DGKB: variants seen among roughly 807,000 people sequenced by gnomAD.
DGKB encodes 90 kDa diacylglycerol kinase.
A neutral mutation model predicts 114.3 loss-of-function variants in DGKB; 67 were observed. The ratio of observed to expected loss-of-function variants is 0.59; its 90% CI spans 0.48 to 0.72. DGKB has a LOEUF of 0.72. Among genes scored for constraint, DGKB ranks in the 30% least tolerant of loss-of-function variants. DGKB has a pLI of 0.00. For missense variants in DGKB, 907 were observed against 975.2 expected, an observed-to-expected ratio of 0.93 and a Z score of 0.93; for synonymous variants, 398 against 323.1, an observed-to-expected ratio of 1.23 and a Z score of -2.49.
intron 25 of DGKB, among the ~76,000 whole-genome samples, chr7:14,167,205 C>T (rs11768601): frequency 0.84 from 114,985 of 136,458 alleles, 47,630 homozygotes; most frequent in East Asian, 0.93. Flanking sequence ...AATGAGACTC[C>T]ATCTCAAAAA....
chr7:14,241,611 TG>T (rs1238730441), intron 23 of DGKB, among the ~76,000 whole-genome samples: 4 of 152,056 alleles, frequency 2.6e-5, no homozygotes, highest in Admixed American at 2.6e-4. Flanking sequence ...AAATTTTTTT[TG>T]TAACTGGTTT....
chr7:14,625,283 G>A (rs1194991449), intron 14 of DGKB, among the ~76,000 whole-genome samples: 1 of 152,014 alleles, frequency 6.6e-6, no homozygotes, highest in African/African-American at 2.4e-5. Context: ...AATTAATCCA[G>A]TCTAAAATCT....
At chr7:14,760,290 T>C (rs1835499496) in intron 2 of DGKB, among the ~76,000 whole-genome samples, 1 of 152,144 alleles carries the variant, frequency 6.6e-6, no homozygotes, top group African/African-American at 2.4e-5. Flanking sequence ...GGGCAGAAAA[T>C]GTGTGTTTTC....
At chr7:14,183,994 C>T (rs561356617) in intron 23 of DGKB, among the ~76,000 whole-genome samples, 32 of 152,316 alleles carry the variant, frequency 2.1e-4, no homozygotes, top group Non-Finnish European at 2.9e-5. Context: ...AAAAGGGAGA[C>T]CCTCCTCTCC....
chr7:14,784,264 A>T (rs1257157947), intron 2 of DGKB, among the ~76,000 whole-genome samples: 1 of 152,014 alleles, frequency 6.6e-6, no homozygotes, highest in Non-Finnish European at 1.5e-5. Context: ...GTTATACTAG[A>T]GAGAACAACA....
At chr7:14,790,695 T>C (rs975383265) in intron 2 of DGKB, among the ~76,000 whole-genome samples, 1 of 152,174 alleles carries the variant, frequency 6.6e-6, no homozygotes, top group African/African-American at 2.4e-5. Flanking sequence ...ACAGGCTTCA[T>C]TAATGTAGCT....
At chr7:14,405,460 G>C (rs544800157) in intron 21 of DGKB, among the ~76,000 whole-genome samples, 5 of 152,078 alleles carry the variant, frequency 3.3e-5, no homozygotes, top group African/African-American at 9.6e-5. Context: ...TATGAAATCA[G>C]CTTGTAGTAA....
At chr7:14,495,164 C>A (rs1296792275) in intron 20 of DGKB, among the ~76,000 whole-genome samples, 4 of 151,774 alleles carry the variant, frequency 2.6e-5, no homozygotes, top group African/African-American at 9.7e-5. Context: ...CAAATCCTTC[C>A]TGATACACAC....
intron 1 of DGKB, among the ~76,000 whole-genome samples, chr7:14,926,729 C>G (rs986699910): frequency 6.6e-6 from 1 of 151,652 alleles, no homozygotes; most frequent in Non-Finnish European, 1.5e-5. Flanking sequence ...CTGATATACC[C>G]AACATGTAAT....
intron 23 of DGKB, among the ~76,000 whole-genome samples, chr7:14,239,374 A>T (rs1793308581): frequency 1.3e-5 from 2 of 152,022 alleles, no homozygotes; most frequent in African/African-American, 4.8e-5. Flanking sequence ...AATTTGAGAA[A>T]ATGAAATTTA....
intron 21 of DGKB, among the ~76,000 whole-genome samples, chr7:14,435,512 A>C (rs1829105078): frequency 6.6e-6 from 1 of 152,118 alleles, no homozygotes; most frequent in Non-Finnish European, 1.5e-5. Context: ...GAGTATAGTA[A>C]ATGATCATAA....
intron 1 of DGKB, among the ~76,000 whole-genome samples, chr7:14,915,184 C>T (rs998609214): frequency 6.6e-6 from 1 of 152,018 alleles, no homozygotes; most frequent in Non-Finnish European, 1.5e-5. Context: ...CTGGGAAATA[C>T]AGCAAGACCC....
chr7:14,635,844 C>G (rs1810651222), intron 13 of DGKB, among the ~76,000 whole-genome samples: 1 of 151,328 alleles, frequency 6.6e-6, no homozygotes, highest in South Asian at 2.1e-4. Context: ...CCTGTTATGC[C>G]TATTTTATCT....
chr7:14,583,264 T>C (rs979592950), intron 17 of DGKB, 127 bp from the exon 18 acceptor site: 3 of 552,480 alleles, frequency 5.4e-6, no homozygotes, highest in Non-Finnish European at 9.5e-6. Flanking sequence ...AATATCTCAG[T>C]GATAACTTAC....
At chr7:14,961,037 C>T (rs544010082) in intron 1 of DGKB, among the ~76,000 whole-genome samples, 1 of 152,124 alleles carries the variant, frequency 6.6e-6, no homozygotes, top group African/African-American at 2.4e-5. Context: ...CTAAAAATCA[C>T]TGACATGAGG....
intron 23 of DGKB, among the ~76,000 whole-genome samples, chr7:14,272,751 T>C (rs1285454898): frequency 6.6e-6 from 1 of 152,168 alleles, no homozygotes; most frequent in East Asian, 1.9e-4. Context: ...TTAATGCATA[T>C]TGTTGGTTTT....
intron 17 of DGKB, among the ~76,000 whole-genome samples, chr7:14,606,603 A>G (rs1182822725): frequency 6.6e-6 from 1 of 151,864 alleles, no homozygotes; most frequent in Non-Finnish European, 1.5e-5. Context: ...TTTTTTTAAA[A>G]AAAAAAAATG....
chr7:14,234,099 T>A (rs1792372055), intron 23 of DGKB, among the ~76,000 whole-genome samples: 1 of 152,036 alleles, frequency 6.6e-6, no homozygotes, highest in Non-Finnish European at 1.5e-5. Context: ...TTCTTTCTTC[T>A]TTGCCTCCTT....
chr7:14,579,394 C>A (rs1468137518), intron 19 of DGKB, among the ~76,000 whole-genome samples: 1 of 152,120 alleles, frequency 6.6e-6, no homozygotes, highest in South Asian at 2.1e-4. Context: ...ATATGGACTT[C>A]TTTAACAAAT....
Sources: gnomAD v4.1 joint callset for allele counts (sites outside exome capture counted in the v4.1 genomes callset) on GRCh38, gnomAD v4.1.1 for gene constraint, MANE v1.5 for transcripts, NCBI Gene and HGNC (gene_info 2026-07-23, HGNC 2026-07-21) for gene names.